Variants in CEP128 observed in about 807,000 individuals in gnomAD.
CEP128 encodes centrosomal protein 128kDa.
Under a neutral mutation model 156.7 loss-of-function variants are expected in CEP128, and 132 were observed. That is an observed-to-expected ratio of 0.84 (90% confidence interval 0.73 to 0.97). CEP128 has a LOEUF of 0.97. CEP128 is among the 50% of genes least tolerant of loss of function. The pLI is 0.00. For synonymous variants in CEP128, 469 were observed against 448.9 expected (o/e 1.04, Z -0.57); for missense variants, 1,252 against 1,281.9 (o/e 0.98, Z 0.36).
intron 24 of CEP128, among the ~76,000 whole-genome samples, chr14:80,499,327 C>A (rs944580132): frequency 6.6e-6 from 1 of 152,146 alleles, no homozygotes; most frequent in African/African-American, 2.4e-5. Flanking sequence ...ACTTAAACTA[C>A]CATTAGAGGC....
At chr14:80,783,440 A>T (rs1432607825) in intron 15 of CEP128, among the ~76,000 whole-genome samples, 1 of 152,140 alleles carries the variant, frequency 6.6e-6, no homozygotes, top group Non-Finnish European at 1.5e-5. Context: ...CAGGGAGAAA[A>T]TAATACCACA....
In CEP128 at chr14:80,792,933, T is replaced by C; in HGVS notation, c.1387A>G (p.Ser463Gly). ...DATKQAERYL[S>G]ELQQSEALKE... ...AGAGCCTCTGACTGCTGGAGCTCAC[T>C]GAGGTACCGCTCAGCCTGCTTGGTT... is the stretch of plus-strand genomic sequence containing the variant. Residue 463 changes from serine (S) to glycine (G), a missense_variant, in exon 14 of 25, where the codon AGT (serine) becomes GGT (glycine). Transcript: ENST00000555265. The C allele has an allele frequency of 5.6e-6, 9 of 1,614,214 alleles. No homozygotes were observed. Among genetic ancestry groups the C allele is most frequent in the African/African-American group, 1.3e-5 (1 of 75,078 alleles).
chr14:80,618,556 C>A (rs1411406552), intron 19 of CEP128, among the ~76,000 whole-genome samples: 1 of 152,196 alleles, frequency 6.6e-6, no homozygotes, highest in South Asian at 2.1e-4. Flanking sequence ...AATGCACAAA[C>A]AAGTTATTGC....
intron 11 of CEP128, 125 bp from the exon 12 acceptor site, chr14:80,836,462 C>T: frequency 2.0e-6 from 2 of 983,476 alleles, no homozygotes; most frequent in South Asian, 1.6e-5. Flanking sequence ...GAACGGTTTC[C>T]TGCTCCATTT....
At chr14:80,855,135 CACGCATTTTCCA>C (rs1887081973) in intron 9 of CEP128, among the ~76,000 whole-genome samples, 1 of 152,138 alleles carries the variant, frequency 6.6e-6, no homozygotes, top group African/African-American at 2.4e-5. Context: ...TCACTTGCTA[CACGCATTTTCCA>C]ACAAAGTAGT....
intron 19 of CEP128, among the ~76,000 whole-genome samples, chr14:80,659,106 A>C (rs1446190594): frequency 6.6e-6 from 1 of 152,210 alleles, no homozygotes; most frequent in African/African-American, 2.4e-5. Flanking sequence ...TTATTGAAAA[A>C]TCTAACTTCC....
chr14:80,830,091 T>A (rs1016446556), intron 13 of CEP128: 30 of 414,554 alleles, frequency 7.2e-5, no homozygotes, highest in Middle Eastern at 3.2e-4. Flanking sequence ...AGCATTTTCA[T>A]CAGCAGGATC....
chr14:80,620,248 T>C (rs997593254), intron 19 of CEP128, among the ~76,000 whole-genome samples: 13 of 152,036 alleles, frequency 8.6e-5, no homozygotes, highest in African/African-American at 3.1e-4. Flanking sequence ...TGAAGTTACA[T>C]TAAGGACAGG....
intron 14 of CEP128, among the ~76,000 whole-genome samples, chr14:80,484,755 T>C (rs1887124112): frequency 6.6e-6 from 1 of 152,198 alleles, no homozygotes; most frequent in African/African-American, 2.4e-5. Flanking sequence ...GATTCCTTCT[T>C]TTTTTCCAGT....
At chr14:80,884,453 G>A (rs1329158505) in intron 8 of CEP128, among the ~76,000 whole-genome samples, 1 of 152,138 alleles carries the variant, frequency 6.6e-6, no homozygotes, top group Non-Finnish European at 1.5e-5. Flanking sequence ...TCCAACTGAG[G>A]TATCAAGTTC....
intron 19 of CEP128, among the ~76,000 whole-genome samples, chr14:80,713,999 T>C (rs1402152643): frequency 6.6e-6 from 1 of 152,168 alleles, no homozygotes; most frequent in Non-Finnish European, 1.5e-5. Flanking sequence ...TGCTGAGTAG[T>C]GAAAAGTTAG....
chr14:80,850,560 T>C (rs992207226), intron 9 of CEP128, among the ~76,000 whole-genome samples: 2 of 152,178 alleles, frequency 1.3e-5, no homozygotes, highest in Non-Finnish European at 2.9e-5. Flanking sequence ...AGAAAAGGAA[T>C]TGTATCTACA....
chr14:80,526,827 G>T, intron 23 of CEP128, 42 bp downstream of exon 23: 1 of 1,099,674 alleles, frequency 9.1e-7, no homozygotes, highest in Non-Finnish European at 1.4e-6. Flanking sequence ...CCTTAAACAT[G>T]GATACTACTT....
chr14:80,953,561 G>T (rs1228508176), intron 2 of CEP128, among the ~76,000 whole-genome samples: 1 of 152,224 alleles, frequency 6.6e-6, no homozygotes, highest in Non-Finnish European at 1.5e-5. Flanking sequence ...CTCCAGCCTG[G>T]GCGACAGGGC....
intron 13 of CEP128, chr14:80,830,533 G>C (rs577049109): frequency 2.5e-5 from 6 of 240,184 alleles, no homozygotes; most frequent in Admixed American, 1.1e-4. Context: ...CCTTTTATGA[G>C]GTCTTTTCCT....
chr14:80,536,339 TA>T (rs1889482750), intron 21 of CEP128, among the ~76,000 whole-genome samples: 1 of 152,188 alleles, frequency 6.6e-6, no homozygotes, highest in Non-Finnish European at 1.5e-5. Context: ...CATTTTCTTA[TA>T]GTGTTATTGA....
intron 19 of CEP128, among the ~76,000 whole-genome samples, chr14:80,623,678 G>C (rs1304284866): frequency 6.6e-6 from 1 of 151,346 alleles, no homozygotes; most frequent in Admixed American, 6.6e-5. Context: ...TGTAAAAGCA[G>C]TATCATTAAA....
At chr14:80,524,926 C>G (rs1010625009) in intron 23 of CEP128, among the ~76,000 whole-genome samples, 1 of 152,154 alleles carries the variant, frequency 6.6e-6, no homozygotes, top group Non-Finnish European at 1.5e-5. Context: ...GCCTGATTCC[C>G]TCTTCAGCTG....
chr14:80,887,629 G>T (rs1384509290), intron 8 of CEP128, among the ~76,000 whole-genome samples: 2 of 152,190 alleles, frequency 1.3e-5, no homozygotes, highest in Non-Finnish European at 2.9e-5. Context: ...AGCTAAAGCA[G>T]TGTTTAGAGG....
Sources: gnomAD v4.1 joint callset for allele counts (sites outside exome capture counted in the v4.1 genomes callset) on GRCh38, gnomAD v4.1.1 for gene constraint, MANE v1.5 for transcripts, NCBI Gene and HGNC (gene_info 2026-07-23, HGNC 2026-07-21) for gene names.